The following CYP19A1 variants were observed in gnomAD, a reference collection of about 807,000 sequenced individuals.
The protein encoded by CYP19A1 is aromatase.
In CYP19A1, 32 loss-of-function variants were observed where a neutral mutation model predicts 44.4. The observed-to-expected ratio is 0.72, with a 90% CI of 0.54 to 0.97. The LOEUF is 0.97. Ranked by LOEUF, CYP19A1 falls within the 50% of genes least tolerant of loss-of-function variation. The pLI, the probability that CYP19A1 is intolerant of heterozygous loss-of-function variation, is 0.00. For missense variants in CYP19A1, 598 were observed against 637.8 expected, an observed-to-expected ratio of 0.94 and a Z score of 0.67; for synonymous variants, 212 against 215.6, an observed-to-expected ratio of 0.98 and a Z score of 0.14.
intron 1 of CYP19A1, among the ~76,000 whole-genome samples, chr15:51,244,828 C>A (rs766078865): frequency 2.6e-5 from 4 of 152,128 alleles, no homozygotes; most frequent in Non-Finnish European, 5.9e-5. Context: ...CAAGCTGATG[C>A]AAATTTATAA....
chr15:51,307,923 A>T (rs942190070), intron 1 of CYP19A1, among the ~76,000 whole-genome samples: 5 of 152,234 alleles, frequency 3.3e-5, no homozygotes, highest in Non-Finnish European at 7.3e-5. Context: ...TTGAGCATCT[A>T]CAGTATACCA....
chr15:51,251,307 C>T (rs1298514857), intron 1 of CYP19A1, among the ~76,000 whole-genome samples: 1 of 152,118 alleles, frequency 6.6e-6, no homozygotes, highest in Admixed American at 6.5e-5. Flanking sequence ...CCAGAGAGGC[C>T]CCCTGAACCT....
intron 2 of CYP19A1, among the ~76,000 whole-genome samples, chr15:51,240,526 C>T (rs903120462): frequency 6.6e-6 from 1 of 152,156 alleles, no homozygotes; most frequent in Non-Finnish European, 1.5e-5. Context: ...AAACCAAGAA[C>T]CTAGAGAGCC....
At chr15:51,270,805 G>A (rs1198948977) in intron 1 of CYP19A1, among the ~76,000 whole-genome samples, 1 of 152,156 alleles carries the variant, frequency 6.6e-6, no homozygotes, top group Non-Finnish European at 1.5e-5. Context: ...AGGCTACACA[G>A]GCAGACAGAT....
At chr15:51,284,569 G>A (rs1007158949) in intron 1 of CYP19A1, among the ~76,000 whole-genome samples, 2 of 152,200 alleles carry the variant, frequency 1.3e-5, no homozygotes, top group African/African-American at 2.4e-5. Flanking sequence ...AGTAATAATA[G>A]TAGACAAATG....
chr15:51,258,356 G>T (rs922585563), intron 1 of CYP19A1, among the ~76,000 whole-genome samples: 3 of 152,066 alleles, frequency 2.0e-5, no homozygotes, highest in African/African-American at 7.2e-5. Context: ...TCCTACCATT[G>T]CTCTCCTTCA....
chr15:51,332,596 C>A (rs1027129873), intron 1 of CYP19A1, among the ~76,000 whole-genome samples: 4 of 152,196 alleles, frequency 2.6e-5, no homozygotes, highest in Non-Finnish European at 5.9e-5. Flanking sequence ...CATCCTGTAG[C>A]CTTTAAGCTG....
intron 1 of CYP19A1, among the ~76,000 whole-genome samples, chr15:51,329,087 T>C (rs1420597423): frequency 6.6e-6 from 1 of 152,160 alleles, no homozygotes; most frequent in Non-Finnish European, 1.5e-5. Context: ...TTCCTTATAA[T>C]AAATCTCTTT....
chr15:51,292,012 CGTCA>C (rs1288875902), intron 1 of CYP19A1, among the ~76,000 whole-genome samples: 1 of 152,212 alleles, frequency 6.6e-6, no homozygotes, highest in Non-Finnish European at 1.5e-5. Context: ...TGTGACCTCT[CGTCA>C]GTCAGTCACT....
At chr15:51,286,633 A>G (rs933485159) in intron 1 of CYP19A1, among the ~76,000 whole-genome samples, 1 of 152,118 alleles carries the variant, frequency 6.6e-6, no homozygotes, top group African/African-American at 2.4e-5. Flanking sequence ...CCCAAGAAAA[A>G]CGAAGACCCT....
rs771232459 is a variant in CYP19A1 at position 51,222,366 on chromosome 15, A to C, written c.611T>G (p.Leu204Trp). ...VMLDTSNTLF[L>W]RIPLDESAIV... ...TTCAGTACCGTCCAAAGGGATCCTCAAGAAGAGCGTGTTAGAGGTGTCCAG... is the reference window on the plus strand; with the variant it reads ...TTCAGTACCGTCCAAAGGGATCCTCCAGAAGAGCGTGTTAGAGGTGTCCAG... The change falls in exon 5 of 10, where the codon TTG becomes TGG. Residue 204 changes from leucine (L) to tryptophan (W), a missense_variant. Physicochemically the swap from Leu to Trp is moderately conservative, Grantham distance 61. Transcript: ENST00000396402. The C allele has an allele frequency of 6.2e-7, 1 of 1,614,162 alleles. No individual in the cohort carries two copies. Among genetic ancestry groups the C allele is most frequent in the Non-Finnish European group, 8.5e-7 (1 of 1,180,030 alleles).
intron 1 of CYP19A1, among the ~76,000 whole-genome samples, chr15:51,282,261 T>C (rs1199253486): frequency 1.3e-5 from 2 of 152,074 alleles, no homozygotes; most frequent in African/African-American, 4.8e-5. Flanking sequence ...AAGCTGAGTG[T>C]TGGGAAAAAA....
chr15:51,215,095 T>G lies in CYP19A1; in HGVS notation c.996A>C (p.Ile332=). ...CAATAACAGTCTGGATTTCCTTTATTATTGCCTCTTCAACATTAGGGTGCT... is the reference window on the plus strand; with the variant it reads ...CAATAACAGTCTGGATTTCCTTTATGATTGCCTCTTCAACATTAGGGTGCT... The part of the protein sequence containing the change: ...IAKHPNVEEA[I]IKEIQTVIGE... The change falls in exon 8 of 10, where the codon ATA becomes ATC. Residue 332 remains isoleucine, a synonymous_variant. Coordinates refer to ENST00000396402, the MANE Select transcript of CYP19A1 (RefSeq NM_000103.4). The G allele has an allele frequency of 6.2e-7, 1 of 1,614,050 alleles. No individual in the cohort carries two copies. Among genetic ancestry groups the G allele is most frequent in the African/African-American group, 1.3e-5 (1 of 75,046 alleles).
chr15:51,239,776 T>C (rs551254227), intron 2 of CYP19A1, among the ~76,000 whole-genome samples: 1 of 152,332 alleles, frequency 6.6e-6, no homozygotes, highest in African/African-American at 2.4e-5. Flanking sequence ...TGCATTGTGA[T>C]GGCAAATTTG....
At chr15:51,253,160 G>C (rs544428731) in intron 1 of CYP19A1, among the ~76,000 whole-genome samples, 8 of 152,236 alleles carry the variant, frequency 5.3e-5, no homozygotes, top group African/African-American at 1.9e-4. Flanking sequence ...AAAAAAATGG[G>C]GGAAATAGTG....
At chr15:51,296,544 G>T (rs754784662) in intron 1 of CYP19A1, among the ~76,000 whole-genome samples, 1 of 152,212 alleles carries the variant, frequency 6.6e-6, no homozygotes, top group Admixed American at 6.5e-5. Context: ...TACATCCGCG[G>T]GAAACTCGCT....
chr15:51,236,201 G>A (rs974487060), intron 3 of CYP19A1, among the ~76,000 whole-genome samples: 1 of 152,182 alleles, frequency 6.6e-6, no homozygotes, highest in Admixed American at 6.5e-5. Flanking sequence ...AAATGGGAAA[G>A]CAGCATGTGA....
intron 1 of CYP19A1, among the ~76,000 whole-genome samples, chr15:51,332,883 G>GT (rs1163048048): frequency 6.6e-6 from 1 of 152,130 alleles, no homozygotes; most frequent in Non-Finnish European, 1.5e-5. Context: ...CTGGAAGACT[G>GT]TAAGATTTTC....
In CYP19A1 at chr15:51,323,587, A is replaced by C. The variant is rs1595785544; in HGVS notation, c.-39+14908T>G. Among the ~76,000 whole-genome samples, 3 of 151,812 alleles carry C rather than the reference A, an allele frequency of 2.0e-5. No individual in the cohort carries two copies. The East Asian group carries it at 5.8e-4, about 29-fold the overall frequency. ...ATGCCTATAAAATGGCTATGGAGTC[A>C]CTGATCTACCCCCACAAGATAACAT... On this transcript the variant is annotated intron_variant, in intron 1 of 9. Transcript: ENST00000396402.
Sources: gnomAD v4.1 joint callset for allele counts (sites outside exome capture counted in the v4.1 genomes callset) on GRCh38, gnomAD v4.1.1 for gene constraint, MANE v1.5 for transcripts, NCBI Gene and HGNC (gene_info 2026-07-23, HGNC 2026-07-21) for gene names.